Variants in A2M observed in about 807,000 individuals in gnomAD.
The protein encoded by A2M is C3 and PZP-like alpha-2-macroglobulin domain-containing protein 5.
A2M carries 128 observed loss-of-function variants against 183.9 expected under a neutral mutation model. The observed-to-expected ratio is 0.70, with a 90% CI of 0.60 to 0.81. The LOEUF (loss-of-function observed/expected upper bound fraction) is 0.81, where lower values mean the gene tolerates loss of function less well. A2M is among the 30% of genes least tolerant of loss of function. The probability of loss-of-function intolerance (pLI) is 0.00; values close to 1 mark genes in which losing one functional copy is unlikely to be tolerated. For synonymous variants in A2M, 592 were observed against 670.8 expected, an observed-to-expected ratio of 0.88 and a Z score of 1.81; for missense variants, 1,495 against 1,787.6, an observed-to-expected ratio of 0.84 and a Z score of 2.95.
At chr12:9,070,429 G>A (rs1948535114) in intron 32 of A2M, 59 bp downstream of exon 32, 1 of 1,133,328 alleles carries the variant, frequency 8.8e-7, no homozygotes, top group East Asian at 2.4e-5. Flanking sequence ...ATTGTCTTAT[G>A]CTGGGGATAC....
At chr12:9,107,103 C>A (rs1243714582) in intron 8 of A2M, among the ~76,000 whole-genome samples, 1 of 152,172 alleles carries the variant, frequency 6.6e-6, no homozygotes, top group East Asian at 1.9e-4. Context: ...GGTTCCTCCT[C>A]CATAATATTC....
chr12:9,093,891 TCAAA>T (rs3832851), intron 17 of A2M, among the ~76,000 whole-genome samples: 25,901 of 150,906 alleles, frequency 0.17, 2,387 homozygotes, highest in African/African-American at 0.22. Context: ...AGACTTCGTC[TCAAA>T]CAAACAAACA....
chr12:9,114,012 G>C (rs1324070324), intron 1 of A2M, among the ~76,000 whole-genome samples: 1 of 152,130 alleles, frequency 6.6e-6, no homozygotes, highest in Non-Finnish European at 1.5e-5. Context: ...AAAATTGTAT[G>C]GTAAGCACTC....
Position 9,095,680 on chromosome 12 carries a change from T to C in A2M, c.1872A>G (p.Glu624=). 6.2e-7 allele frequency: 1 copy of C among 1,612,730 alleles called. No homozygotes were observed. The change falls in exon 16 of 36, where the codon GAA becomes GAG. Residue 624 remains glutamate, a synonymous_variant. Transcript: ENST00000318602. The stretch of plus-strand genomic sequence containing the variant: ...GCCCAGGGAAGCCAGTGAGGTCCTT[T>C]TCTGGTAGCAGGTTGTAAACCTGTA... ...SASSVYNLLP[E]KDLTGFPGPL...
At chr12:9,111,275 T>C (rs1036424662) in intron 4 of A2M, among the ~76,000 whole-genome samples, 1 of 152,172 alleles carries the variant, frequency 6.6e-6, no homozygotes, top group East Asian at 1.9e-4. Flanking sequence ...TTAATGGAGC[T>C]TATGTTATAA....
At chr12:9,099,544 G>A in intron 13 of A2M, 21 bp from the exon 14 acceptor site, 1 of 1,599,670 alleles carries the variant, frequency 6.3e-7, no homozygotes, top group Non-Finnish European at 8.5e-7. Flanking sequence ...AAGAGAATGA[G>A]AGGAAGCCAT....
At position 9,068,803 on chromosome 12, in the gene A2M, G is replaced by T. The variant is rs767608990; in HGVS notation, c.4303C>A (p.Gln1435Lys). 1.2e-6 allele frequency: 2 copies of T among 1,608,502 alleles called. No homozygotes were observed. Among genetic ancestry groups the T allele is most frequent in the South Asian group, 2.2e-5 (2 of 89,336 alleles). ...QTLSLFFTVLQDVPVRDLKPA... is the reference protein window; with the variant it reads ...QTLSLFFTVLKDVPVRDLKPA... ...TTCAGATCTCTTACTGGGACATCTT[G>T]CAGAACCGTGAAGAACAAGCTCAGT... The change falls in exon 34 of 36, where the codon CAA becomes AAA. Residue 1435 changes from glutamine (Q) to lysine (K), a missense_variant. Transcript: ENST00000318602.
At position 9,093,545 on chromosome 12, in the gene A2M, C is replaced by CA. The variant is rs763715970; in HGVS notation, c.2159dup (p.Val721GlyfsTer4). On this transcript the variant is annotated frameshift_variant, in exon 18 of 36. Transcript: ENST00000318602. LOFTEE classifies it high-confidence loss of function. ...CCGTGTGAGGCTCTTCAACATGCAC[C>CA]AGGCGTGCATGGCCTCTTCCCATTA... is the stretch of plus-strand genomic sequence containing the variant. The CA allele has an allele frequency of 1.2e-6, 2 of 1,611,294 alleles. No individual in the cohort carries two copies. Among genetic ancestry groups the CA allele is most frequent in the African/African-American group, 2.7e-5 (2 of 74,532 alleles).
intron 29 of A2M, 30 bp from the exon 30 acceptor site, chr12:9,072,901 A>G (rs1205279398): frequency 6.3e-7 from 1 of 1,582,898 alleles, no homozygotes; most frequent in Non-Finnish European, 8.6e-7. Flanking sequence ...GAGAGAACCC[A>G]TTGGGCATTA....
At chr12:9,088,283 T>G (rs973850041) in intron 22 of A2M, among the ~76,000 whole-genome samples, 2 of 152,022 alleles carry the variant, frequency 1.3e-5, no homozygotes, top group Non-Finnish European at 1.5e-5. Flanking sequence ...GAATATATTT[T>G]TGTAAAATTA....
In A2M at chr12:9,072,647, T is replaced by A; in HGVS notation, c.3975+6A>T. The A allele has an allele frequency of 9.3e-6, 15 of 1,613,748 alleles. No individual in the cohort carries two copies. Among genetic ancestry groups the A allele is most frequent in the Non-Finnish European group, 1.3e-5 (15 of 1,179,780 alleles). On this transcript the variant is annotated splice_donor_region_variant and intron_variant, in intron 30 of 35. Transcript: ENST00000318602. ...TGTCCTGTCCTCACCTGCCCAAGAG[T>A]CTCACCTGGAGGTAGACACATCCTT...
chr12:9,097,976 T>C (rs1039615923), intron 15 of A2M, among the ~76,000 whole-genome samples: 4 of 152,266 alleles, frequency 2.6e-5, no homozygotes, highest in African/African-American at 9.6e-5. Context: ...TTAGCCTGTA[T>C]AGCCTCAGTG....
chr12:9,098,702 G>T lies in A2M; in HGVS notation c.1756C>A (p.Arg586=), dbSNP rs756443191. 5.0e-6 allele frequency: 8 copies of T among 1,612,400 alleles called. No homozygotes were observed. In the East Asian group the frequency reaches 1.6e-4, roughly 31 times the overall value. Reference sequence around the variant, plus strand: ...ACGGACTGAGGAGCCGCTGTGACTCGCAGGTGGGCGTGTGAGGCTGGGAGA... The same window carrying T: ...ACGGACTGAGGAGCCGCTGTGACTCTCAGGTGGGCGTGTGAGGCTGGGAGA... The part of the protein sequence containing the change: ...QSLPASHAHL[R]VTAAPQSVCA... Residue 586 remains arginine (R), a synonymous_variant, in exon 15 of 36, where the codon CGA becomes AGA. Transcript: ENST00000318602.
At position 9,089,163 on chromosome 12, in the gene A2M, CT is replaced by C. The variant is rs777298778; in HGVS notation, c.2770+36del. ...TGTTCTTTGAACTTTAAATGTTAGA[CT>C]TTAATGTTTTTTAAATTATGATGGT... is the stretch of plus-strand genomic sequence containing the variant. On this transcript the variant is annotated intron_variant, in intron 22 of 35. Transcript: ENST00000318602. 3.9e-5 allele frequency: 57 copies of C among 1,469,624 alleles called. No individual in the cohort carries two copies. In the African/African-American group the frequency reaches 7.4e-4, roughly 19 times the overall value. The allele number at this position is 1,469,624 out of a possible 1,614,324, so 91.0% of individuals were successfully genotyped here.
At chr12:9,083,583 T>A (rs1948970834) in intron 22 of A2M, among the ~76,000 whole-genome samples, 2 of 151,884 alleles carry the variant, frequency 1.3e-5, no homozygotes, top group South Asian at 4.2e-4. Flanking sequence ...GATAGAGTAT[T>A]TGGAATTATC....
intron 17 of A2M, among the ~76,000 whole-genome samples, chr12:9,094,368 T>TAC (rs1234802926): frequency 1.4e-5 from 2 of 145,490 alleles, no homozygotes; most frequent in Admixed American, 1.4e-4. Flanking sequence ...TATATATATA[T>TAC]ATATATACCT....
intron 13 of A2M, among the ~76,000 whole-genome samples, chr12:9,100,151 G>A (rs187906307): frequency 6.6e-6 from 1 of 152,228 alleles, no homozygotes; most frequent in Admixed American, 6.5e-5. Context: ...GCAAGAGTCC[G>A]CTTCAGTCGG....
In A2M at chr12:9,115,799, G is replaced by A; in HGVS notation, c.51C>T (p.Val17=). The A allele has an allele frequency of 6.2e-7, 1 of 1,613,482 alleles. No homozygotes were observed. The highest frequency in any genetic ancestry group is 8.5e-7 in the Non-Finnish European group (1 of 1,179,478). The stretch of plus-strand genomic sequence containing the variant: ...AGACTGAGGCGTCTGTGGGCAGGAG[G>A]ACCAAGAGGAGAAGAACCAGACTTG... ...LHPSLVLLLL[V]LLPTDASVSG... is the part of the protein sequence containing the mutation. The change falls in exon 1 of 36, where the codon GTC becomes GTT. Residue 17 remains valine, a synonymous_variant. Coordinates refer to ENST00000318602, the MANE Select transcript of A2M (RefSeq NM_000014.6).
rs35996014 is a variant in A2M at position 9,104,529 on chromosome 12, G to GAA, written c.1105-131_1105-130dup. On this transcript the variant is annotated intron_variant, in intron 10 of 35. Coordinates refer to ENST00000318602, the MANE Select transcript of A2M (RefSeq NM_000014.6). Reference sequence around the variant, plus strand: ...TTCCAGGCACTGAGGACACAGCAGTGAAAAAAAACGAAGTTTCTTCCATCA... The same window carrying GAA: ...TTCCAGGCACTGAGGACACAGCAGTGAAAAAAAAAACGAAGTTTCTTCCATCA... 975 of 853,822 alleles carry GAA rather than the reference G, an allele frequency of 1.1e-3. 2 individuals are homozygous for GAA. The highest frequency in any genetic ancestry group is 5.9e-3 in the African/African-American group (333 of 56,256). 52.9% of individuals were successfully genotyped at this position (853,822 alleles called of 1,614,324 possible).
Sources: allele counts gnomAD v4.1 joint callset (sites outside exome capture counted in the v4.1 genomes callset), GRCh38; gene constraint gnomAD v4.1.1; transcripts MANE v1.5; gene names NCBI Gene and HGNC (gene_info 2026-07-23, HGNC 2026-07-21).